The following CYSLTR2 variants were observed in gnomAD, a reference collection of about 807,000 sequenced individuals.
CYSLTR2 encodes G-protein coupled receptor GPCR21.
For missense variants in CYSLTR2, 398 were observed against 411.9 expected, an observed-to-expected ratio of 0.97 and a Z score of 0.29; for synonymous variants, 179 against 160.8, an observed-to-expected ratio of 1.11 and a Z score of -0.86.
chr13:48,666,502 T>A (rs1953264980), intron 1 of CYSLTR2, among the ~76,000 whole-genome samples: 1 of 152,156 alleles, frequency 6.6e-6, no homozygotes, highest in Admixed American at 6.6e-5. Context: ...CCTACACTTT[T>A]CTCCTCTCTT....
chr13:48,665,072 G>T (rs1433275861), intron 1 of CYSLTR2, among the ~76,000 whole-genome samples: 1 of 151,894 alleles, frequency 6.6e-6, no homozygotes, highest in Non-Finnish European at 1.5e-5. Context: ...TTTACCCATT[G>T]GTTATTCAGA....
intron 1 of CYSLTR2, among the ~76,000 whole-genome samples, chr13:48,654,829 A>G (rs7989287): frequency 0.48 from 72,468 of 151,980 alleles, 20,262 homozygotes; most frequent in African/African-American, 0.79. Flanking sequence ...GCAGTATTTT[A>G]TCTTGTTTTC....
At chr13:48,669,620 A>G (rs1353376992) in intron 1 of CYSLTR2, among the ~76,000 whole-genome samples, 2 of 152,068 alleles carry the variant, frequency 1.3e-5, no homozygotes, top group Non-Finnish European at 1.5e-5. Flanking sequence ...ATTATTTTTT[A>G]TGGCTGCATA....
At chr13:48,667,973 C>T (rs1462410501) in intron 1 of CYSLTR2, among the ~76,000 whole-genome samples, 1 of 152,142 alleles carries the variant, frequency 6.6e-6, no homozygotes, top group Non-Finnish European at 1.5e-5. Context: ...CCATCAAATC[C>T]TATGGTTCCA....
Position 48,706,859 on chromosome 13 carries a change from A to G in CYSLTR2, c.42A>G (p.Val14=). 2 of 1,614,068 alleles carry G rather than the reference A, an allele frequency of 1.2e-6. No homozygotes were observed. Among genetic ancestry groups the G allele is most frequent in the Non-Finnish European group, 1.7e-6 (2 of 1,179,934 alleles). ...TGTCCTTGCAACCATCCATCTCCGTATCAGAAATGGAACCAAATGGCACCT... is the reference window on the plus strand; with the variant it reads ...TGTCCTTGCAACCATCCATCTCCGTGTCAGAAATGGAACCAAATGGCACCT... ...KFMSLQPSIS[V]SEMEPNGTFS... The change falls in exon 5 of 5, where the codon GTA becomes GTG. Residue 14 remains valine, a synonymous_variant. Transcript: ENST00000682523.
intron 3 of CYSLTR2, among the ~76,000 whole-genome samples, chr13:48,696,063 A>G (rs532671122): frequency 6.6e-6 from 1 of 152,312 alleles, no homozygotes; most frequent in East Asian, 1.9e-4. Context: ...TATTTGATGT[A>G]GTCGCTATGT....
intron 4 of CYSLTR2, 186 bp from the exon 5 acceptor site, chr13:48,706,631 A>T: frequency 3.7e-6 from 2 of 543,116 alleles, no homozygotes; most frequent in Non-Finnish European, 6.4e-6. Flanking sequence ...CAGGAAATTT[A>T]AATTTATTAT....
intron 4 of CYSLTR2, among the ~76,000 whole-genome samples, chr13:48,703,578 C>T (rs1272667351): frequency 6.6e-6 from 1 of 152,064 alleles, no homozygotes; most frequent in Non-Finnish European, 1.5e-5. Context: ...GATATGATTA[C>T]TTGGTCATGG....
At chr13:48,704,050 C>T (rs1954417535) in intron 4 of CYSLTR2, among the ~76,000 whole-genome samples, 2 of 152,088 alleles carry the variant, frequency 1.3e-5, no homozygotes, top group Non-Finnish European at 2.9e-5. Context: ...CTTTTGATGC[C>T]TCAGGTATCT....
rs57791346 is a variant in CYSLTR2, at chr13:48,668,234, T to TA, written c.-266+14229dup. Among the ~76,000 whole-genome samples the TA allele has an allele frequency of 1.0e-2, 1,359 of 136,574 alleles. 8 individuals carry two copies. The highest frequency in any genetic ancestry group is 0.015 in the Middle Eastern group (4 of 274). 89.6% of individuals were successfully genotyped at this position (136,574 alleles called of 152,430 possible). A position where few individuals can be genotyped will look rare whatever the true frequency, so the allele number is the denominator to read the frequency against. On this transcript the variant is annotated intron_variant, in intron 1 of 4. Transcript: ENST00000682523. ...AGTTTTTATACAAGTGCCATAGGGATAAAAAAAAAAAAGAGAGACCCACGG... is the reference window on the plus strand; with the variant it reads ...AGTTTTTATACAAGTGCCATAGGGATAAAAAAAAAAAAAGAGAGACCCACGG...
At chr13:48,671,845 A>G (rs2138854445) in intron 1 of CYSLTR2, among the ~76,000 whole-genome samples, 1 of 152,064 alleles carries the variant, frequency 6.6e-6, no homozygotes, top group South Asian at 2.1e-4. Flanking sequence ...CAGTTTCAGA[A>G]GGTATGGTAC....
chr13:48,672,018 G>T (rs1555256040), intron 1 of CYSLTR2, among the ~76,000 whole-genome samples: 2 of 152,044 alleles, frequency 1.3e-5, no homozygotes, highest in Non-Finnish European at 2.9e-5. Context: ...TTGGGAGGGT[G>T]TATGTGTCCA....
At chr13:48,699,194 T>C (rs1954276155) in intron 4 of CYSLTR2, among the ~76,000 whole-genome samples, 2 of 152,140 alleles carry the variant, frequency 1.3e-5, no homozygotes, top group Admixed American at 1.3e-4. Flanking sequence ...TACAGAACTC[T>C]CCACCCCAAG....
chr13:48,683,450 G>T (rs905063819), intron 1 of CYSLTR2, among the ~76,000 whole-genome samples: 1 of 152,008 alleles, frequency 6.6e-6, no homozygotes, highest in African/African-American at 2.4e-5. Flanking sequence ...TATCTCATTT[G>T]TGTTTTTGAT....
chr13:48,684,154 C>T (rs1953835634), intron 1 of CYSLTR2, among the ~76,000 whole-genome samples: 1 of 152,022 alleles, frequency 6.6e-6, no homozygotes, highest in Non-Finnish European at 1.5e-5. Context: ...ATCTTGAACT[C>T]TGAGCCTCAA....
chr13:48,671,210 T>C (rs557115959), intron 1 of CYSLTR2, among the ~76,000 whole-genome samples: 10 of 152,368 alleles, frequency 6.6e-5, no homozygotes, highest in East Asian at 3.9e-4. Context: ...TATACAATCA[T>C]GTCATCTGCG....
rs1953165607 is a variant in CYSLTR2, at chr13:48,662,914, T to A, written c.-266+8897T>A. On this transcript the variant is annotated intron_variant, in intron 1 of 4. Coordinates refer to ENST00000682523, the MANE Select transcript of CYSLTR2 (RefSeq NM_001308476.3). ...TGCTTTTGAGGTTTTATTCACAAAATCATTTCCCAGACCAGTGTTCTGAAA... is the reference window on the plus strand; with the variant it reads ...TGCTTTTGAGGTTTTATTCACAAAAACATTTCCCAGACCAGTGTTCTGAAA... Among the ~76,000 whole-genome samples the A allele has an allele frequency of 2.0e-5, 3 of 152,190 alleles. No homozygotes were observed. The South Asian group carries it at 6.2e-4, about 31-fold the overall frequency.
chr13:48,676,861 G>A (rs1323555), intron 1 of CYSLTR2, among the ~76,000 whole-genome samples: 17,982 of 152,224 alleles, frequency 0.12, 1,610 homozygotes, highest in African/African-American at 0.24. Context: ...AGCTAGTGGA[G>A]CAAATGAGAT....
intron 1 of CYSLTR2, among the ~76,000 whole-genome samples, chr13:48,682,070 A>G (rs1953770653): frequency 1.3e-5 from 2 of 152,096 alleles, no homozygotes; most frequent in South Asian, 4.1e-4. Context: ...GACTGATTCC[A>G]TATCAGCCTT....
Sources: gnomAD v4.1 joint callset for allele counts (sites outside exome capture counted in the v4.1 genomes callset) on GRCh38, gnomAD v4.1.1 for gene constraint, MANE v1.5 for transcripts, NCBI Gene and HGNC (gene_info 2026-07-23, HGNC 2026-07-21) for gene names.